The following PPP2R3B variants were observed in gnomAD, a reference collection of about 807,000 sequenced individuals.
PPP2R3B encodes protein phosphatase 2 regulatory subunit B''beta.
A neutral mutation model predicts 72.9 loss-of-function variants in PPP2R3B; 68 were observed. That is an observed-to-expected ratio of 0.93 (90% CI 0.77 to 1.14). The LOEUF (loss-of-function observed/expected upper bound fraction) is 1.14. PPP2R3B is among the 50% of genes most tolerant of loss of function. PPP2R3B has a pLI of 0.00. For synonymous variants in PPP2R3B, 466 were observed against 375.8 expected, an observed-to-expected ratio of 1.24 and a Z score of -2.78; for missense variants, 1,018 against 842.0, an observed-to-expected ratio of 1.21 and a Z score of -2.59.
intron 2 of PPP2R3B, among the ~76,000 whole-genome samples, chrX:361,112 C>T (rs2124194081): frequency 6.6e-6 from 1 of 152,298 alleles, no homozygotes; most frequent in South Asian, 2.1e-4. Flanking sequence ...GAGGGTGGCA[C>T]AGGGCGGGCC....
chrX:346,140 G>A, intron 6 of PPP2R3B, 34 bp downstream of exon 6: 2 of 1,483,560 alleles, frequency 1.3e-6, no homozygotes, highest in East Asian at 2.6e-5. Context: ...GTAGGGACAA[G>A]GCAGGGGGCA....
intron 2 of PPP2R3B, among the ~76,000 whole-genome samples, chrX:349,856 G>A (rs1182010655): frequency 3.9e-5 from 6 of 152,258 alleles, no homozygotes; most frequent in South Asian, 2.1e-4. Flanking sequence ...CGACCTCAAC[G>A]TGGTGAGGTG....
At chrX:348,581 A>AAAAAAAAAAAAAAAAAAAAAAAAAAAG (rs111787156) in intron 2 of PPP2R3B, among the ~76,000 whole-genome samples, 7 of 144,444 alleles carry the variant, frequency 4.8e-5, no homozygotes, top group African/African-American at 1.8e-4. Flanking sequence ...GTCTCAAAAA[A>AAAAAAAAAAAAAAAAAAAAAAAAAAAG]AGAGCAAATA....
intron 2 of PPP2R3B, among the ~76,000 whole-genome samples, chrX:356,515 C>T (rs2071437103): frequency 6.6e-6 from 1 of 152,168 alleles, no homozygotes. Context: ...CACTCCTGGG[C>T]CCTGGAAGCA....
At chrX:345,303 C>T (rs1254151323) in intron 7 of PPP2R3B, 3 of 747,590 alleles carry the variant, frequency 4.0e-6, no homozygotes, top group Middle Eastern at 2.7e-4. Flanking sequence ...CAGGCAGAGG[C>T]CTCGGGCAGA....
chrX:383,051 C>A (rs2072159318), intron 1 of PPP2R3B, among the ~76,000 whole-genome samples: 1 of 152,162 alleles, frequency 6.6e-6, no homozygotes, highest in African/African-American at 2.4e-5. Flanking sequence ...GGCCGGAGCT[C>A]AAGAGATGCG....
At chrX:339,186 T>C (rs1005277701) in intron 10 of PPP2R3B, among the ~76,000 whole-genome samples, 1 of 148,120 alleles carries the variant, frequency 6.8e-6, no homozygotes, top group Non-Finnish European at 1.5e-5. Context: ...CTGCTGGATC[T>C]GAAATTACAG....
intron 1 of PPP2R3B, among the ~76,000 whole-genome samples, chrX:364,655 T>G (rs777862945): frequency 0.12 from 11,199 of 97,266 alleles, 610 homozygotes; most frequent in East Asian, 0.16. Context: ...GAGGCGGAGG[T>G]TGCAGTGAGC....
chrX:346,622 C>T (rs1473257594), intron 5 of PPP2R3B, 79 bp downstream of exon 5: 31 of 1,389,782 alleles, frequency 2.2e-5, no homozygotes, highest in Non-Finnish European at 2.9e-5. Flanking sequence ...CCGCCCCGTC[C>T]GCAGAAGCCC....
At chrX:373,590 C>T (rs1359384828) in intron 1 of PPP2R3B, 3 of 291,280 alleles carry the variant, frequency 1.0e-5, no homozygotes, top group African/African-American at 4.5e-5. Flanking sequence ...GTCGCAGCCG[C>T]GGGCCAGTGA....
At chrX:346,841 G>C in intron 4 of PPP2R3B, 66 bp from the exon 5 acceptor site, 1 of 1,393,562 alleles carries the variant, frequency 7.2e-7, no homozygotes, top group Non-Finnish European at 1.0e-6. Context: ...GTGCGGTGTG[G>C]ACGCTGCAGA....
At chrX:369,850 GCTCTGCAGCGGCCCCCA>G (rs1296048024) in intron 1 of PPP2R3B, among the ~76,000 whole-genome samples, 1 of 152,220 alleles carries the variant, frequency 6.6e-6, no homozygotes, top group Admixed American at 6.5e-5. Flanking sequence ...AGGAGCCCCC[GCTCTGCAGCGGCCCCCA>G]CTCTGCAGCG....
intron 1 of PPP2R3B, among the ~76,000 whole-genome samples, chrX:381,217 G>A (rs928964533): frequency 1.6e-4 from 24 of 151,960 alleles, no homozygotes; most frequent in Non-Finnish European, 2.9e-4. Context: ...CACTGCACCC[G>A]GCCAATGCTC....
chrX:364,437 G>C (rs2071641701), intron 1 of PPP2R3B, among the ~76,000 whole-genome samples: 1 of 150,970 alleles, frequency 6.6e-6, no homozygotes, highest in African/African-American at 2.4e-5. Flanking sequence ...AGGAGGCTGA[G>C]GGGGACAGAC....
At chrX:363,373 C>CATCCCGCAGTGCATCTCCCCGAGCCCGCA (rs2071589968) in intron 1 of PPP2R3B, among the ~76,000 whole-genome samples, 1 of 1,072 alleles carries the variant, frequency 9.3e-4, no homozygotes, top group East Asian at 0.017. Flanking sequence ...CCGAGCCCAC[C>CATCCCGCAGTGCATCTCCCCGAGCCCGCA]ATCCCACAGT....
rs1452994090 is a variant in PPP2R3B at position 347,237 on chromosome X, CAA to C, written c.712_713del (p.Leu238AlafsTer106). 1 of 1,613,478 alleles carries C rather than the reference CAA, an allele frequency of 6.2e-7. No individual in the cohort carries two copies. The highest frequency in any genetic ancestry group is 1.7e-5 in the Admixed American group (1 of 60,006). ...YLVQEDFVPF[L>X]QDVVNTHPGL... ...TGGTGTAGACGCAGGCTCTCACCTG[CAA>C]GAAGGGGACAAAGTCCTCCTGCACC... On this transcript the variant is annotated frameshift_variant, in exon 4 of 13. Coordinates refer to ENST00000390665, the MANE Select transcript of PPP2R3B (RefSeq NM_013239.5). LOFTEE classifies it high-confidence loss of function.
chrX:369,013 T>C (rs2071797056), intron 1 of PPP2R3B, among the ~76,000 whole-genome samples: 1 of 152,160 alleles, frequency 6.6e-6, no homozygotes, highest in Admixed American at 6.5e-5. Flanking sequence ...AGAAATAGAC[T>C]CGGCCCCAGC....
chrX:346,603 G>A (rs770484567), intron 5 of PPP2R3B, 98 bp downstream of exon 5: 32 of 1,210,478 alleles, frequency 2.6e-5, no homozygotes, highest in African/African-American at 9.2e-5. Flanking sequence ...CAGGAACCCC[G>A]GGCCCCGCCC....
chrX:361,251 TG>T, intron 2 of PPP2R3B, 153 bp downstream of exon 2: 1 of 310,734 alleles, frequency 3.2e-6, no homozygotes, highest in Non-Finnish European at 4.7e-6. Flanking sequence ...AGAGAAAACC[TG>T]GGCCGCTCCC....
Sources: allele counts gnomAD v4.1 joint callset (sites outside exome capture counted in the v4.1 genomes callset), GRCh38; gene constraint gnomAD v4.1.1; transcripts MANE v1.5; gene names NCBI Gene and HGNC (gene_info 2026-07-23, HGNC 2026-07-21).